The following RAB2A variants were observed in gnomAD, a reference collection of about 807,000 sequenced individuals.
RAB2A encodes the protein ras-related protein Rab-2A.
In RAB2A, 7 loss-of-function variants were observed where a neutral mutation model predicts 32.5. The observed-to-expected ratio is 0.22, with a 90% CI of 0.12 to 0.40. RAB2A has a LOEUF of 0.40. Ranked by LOEUF, RAB2A falls within the 10% of genes least tolerant of loss-of-function variation. The probability of loss-of-function intolerance (pLI) is 1.00; values close to 1 mark genes in which losing one functional copy is unlikely to be tolerated. For missense variants in RAB2A, 108 were observed against 260.7 expected, an observed-to-expected ratio of 0.41 and a Z score of 4.03; for synonymous variants, 79 against 85.2, an observed-to-expected ratio of 0.93 and a Z score of 0.40.
chr8:60,539,845 G>A (rs918506874), intron 1 of RAB2A, among the ~76,000 whole-genome samples: 3 of 152,094 alleles, frequency 2.0e-5, no homozygotes, highest in Admixed American at 1.3e-4. Flanking sequence ...GGAGTAAACA[G>A]GAAGGTAGTT....
At chr8:60,571,153 T>C (rs146762767) in intron 2 of RAB2A, among the ~76,000 whole-genome samples, 7 of 152,314 alleles carry the variant, frequency 4.6e-5, no homozygotes, top group African/African-American at 1.7e-4. Context: ...TAAATACAAG[T>C]TAAAAGCCAA....
At chr8:60,608,537 T>C (rs1804279560) in intron 6 of RAB2A, among the ~76,000 whole-genome samples, 1 of 137,048 alleles carries the variant, frequency 7.3e-6, no homozygotes, top group African/African-American at 3.3e-5. Flanking sequence ...CTCCTTCTCC[T>C]CCTTCTCTCT....
chr8:60,517,896 G>A (rs1807234853), intron 1 of RAB2A, among the ~76,000 whole-genome samples: 2 of 152,044 alleles, frequency 1.3e-5, no homozygotes, highest in Admixed American at 6.6e-5. Flanking sequence ...AATCCCTTTC[G>A]GGGTTAGGAA....
intron 2 of RAB2A, among the ~76,000 whole-genome samples, chr8:60,564,797 A>G (rs993307609): frequency 4.6e-5 from 7 of 152,236 alleles, no homozygotes; most frequent in Admixed American, 1.3e-4. Context: ...AGTAAGGTCC[A>G]TGACAGCAGA....
At chr8:60,524,137 C>T (rs1338020577) in intron 1 of RAB2A, among the ~76,000 whole-genome samples, 2 of 152,242 alleles carry the variant, frequency 1.3e-5, no homozygotes, top group Non-Finnish European at 2.9e-5. Flanking sequence ...TTCTTAAACT[C>T]CTCTGGTGAC....
chr8:60,567,248 T>G (rs1326083371), intron 2 of RAB2A, among the ~76,000 whole-genome samples: 1 of 152,060 alleles, frequency 6.6e-6, no homozygotes, highest in African/African-American at 2.4e-5. Context: ...CCCGAGTAGC[T>G]GGAATTAGAG....
intron 6 of RAB2A, among the ~76,000 whole-genome samples, chr8:60,593,989 A>T (rs777992328): frequency 6.6e-6 from 1 of 152,180 alleles, no homozygotes; most frequent in Non-Finnish European, 1.5e-5. Context: ...TAGAAAAAAA[A>T]ACTTAGTGAA....
chr8:60,585,108 G>T (rs905055352), intron 5 of RAB2A, among the ~76,000 whole-genome samples: 6 of 152,138 alleles, frequency 3.9e-5, no homozygotes, highest in Non-Finnish European at 8.8e-5. Context: ...TTTATTTGGG[G>T]AGTTGGATTG....
chr8:60,600,066 T>TAAAAAAAAAAAAA (rs36105307), intron 6 of RAB2A, among the ~76,000 whole-genome samples: 1 of 139,878 alleles, frequency 7.1e-6, no homozygotes. Flanking sequence ...TACTCGGTAG[T>TAAAAAAAAAAAAA]AAAAAAAAAA....
intron 2 of RAB2A, among the ~76,000 whole-genome samples, chr8:60,571,239 A>G (rs1246314151): frequency 6.6e-6 from 1 of 152,248 alleles, no homozygotes; most frequent in African/African-American, 2.4e-5. Flanking sequence ...GCCTAAAATT[A>G]TAGTAAGTTG....
intron 2 of RAB2A, among the ~76,000 whole-genome samples, chr8:60,559,458 T>C (rs991389299): frequency 2.0e-5 from 3 of 152,250 alleles, no homozygotes; most frequent in Non-Finnish European, 4.4e-5. Flanking sequence ...CTGGGCATTT[T>C]GTATTTTCCT....
At chr8:60,620,309 A>C (rs1346301351) in intron 7 of RAB2A, among the ~76,000 whole-genome samples, 2 of 152,224 alleles carry the variant, frequency 1.3e-5, no homozygotes, top group Non-Finnish European at 2.9e-5. Flanking sequence ...GTCTAGAGAA[A>C]AGATTTTACG....
chr8:60,612,039 C>T (rs149297696), intron 6 of RAB2A, among the ~76,000 whole-genome samples: 6 of 152,160 alleles, frequency 3.9e-5, no homozygotes, highest in African/African-American at 1.4e-4. Context: ...TATACATGTG[C>T]CATAGTGGTT....
chr8:60,561,058 A>C (rs1296360078), intron 2 of RAB2A, among the ~76,000 whole-genome samples: 1 of 152,234 alleles, frequency 6.6e-6, no homozygotes, highest in Non-Finnish European at 1.5e-5. Flanking sequence ...CTCTGGCTCC[A>C]GCCCCTGCCT....
At chr8:60,607,984 T>C (rs1300091290) in intron 6 of RAB2A, among the ~76,000 whole-genome samples, 1 of 152,226 alleles carries the variant, frequency 6.6e-6, no homozygotes, top group African/African-American at 2.4e-5. Flanking sequence ...TATTAAGAGC[T>C]GTCTCCATTT....
intron 6 of RAB2A, among the ~76,000 whole-genome samples, chr8:60,592,781 CCTTT>C (rs1249965045): frequency 1.6e-4 from 25 of 151,986 alleles, no homozygotes; most frequent in African/African-American, 6.0e-4. Context: ...CGTAGTTGAT[CCTTT>C]CTAAGGTAAA....
rs1374817637 is a variant in RAB2A at position 60,584,826 on chromosome 8, T to C, written c.362+11T>C. The C allele has an allele frequency of 6.3e-7, 1 of 1,584,842 alleles. No homozygotes were observed. Among genetic ancestry groups the C allele is most frequent in the Admixed American group, 1.7e-5 (1 of 59,606 alleles). On this transcript the variant is annotated intron_variant, in intron 5 of 7. Transcript: ENST00000262646. ...TATTGGAAATAAAAGGTAAAAAGGC[T>C]AATTTAGAGCTTACATTGCATTAGT...
At chr8:60,552,214 G>A (rs1343650573) in intron 1 of RAB2A, among the ~76,000 whole-genome samples, 2 of 151,876 alleles carry the variant, frequency 1.3e-5, no homozygotes, top group Admixed American at 1.3e-4. Flanking sequence ...TGTTGGCCAG[G>A]CTGGTCTTGA....
At chr8:60,521,514 G>A (rs1456912628) in intron 1 of RAB2A, among the ~76,000 whole-genome samples, 1 of 152,192 alleles carries the variant, frequency 6.6e-6, no homozygotes, top group Non-Finnish European at 1.5e-5. Context: ...AACTACTCAA[G>A]CTTACTTCTA....
Sources: gnomAD v4.1 joint callset for allele counts (sites outside exome capture counted in the v4.1 genomes callset) on GRCh38, gnomAD v4.1.1 for gene constraint, MANE v1.5 for transcripts, NCBI Gene and HGNC (gene_info 2026-07-23, HGNC 2026-07-21) for gene names.